The following DOK3 variants were observed in gnomAD, a reference collection of about 807,000 sequenced individuals.
The protein encoded by DOK3 is docking protein 3.
Under a neutral mutation model 26.2 loss-of-function variants are expected in DOK3, and 23 were observed. The observed-to-expected ratio is 0.88, with a 90% CI of 0.63 to 1.24. DOK3 has a LOEUF of 1.24. DOK3 is among the 50% of genes most tolerant of loss of function. DOK3 has a pLI of 0.00. For missense variants in DOK3, 619 were observed against 610.6 expected (o/e 1.01, Z -0.15); for synonymous variants, 268 against 268.2 (o/e 1.00, Z 0.01).
Position 177,503,197 on chromosome 5 carries a change from T to C in DOK3, c.*786A>G. 6.4e-7 allele frequency: 1 copy of C among 1,551,598 alleles called. No individual in the cohort carries two copies. The highest frequency in any genetic ancestry group is 8.7e-7 in the Non-Finnish European group (1 of 1,146,946). ...AGGAGGGAACGCAGCATGGAAGTCTTCAGGAAACTTCTCTCCCCCTGGAAT... is the reference window on the plus strand; with the variant it reads ...AGGAGGGAACGCAGCATGGAAGTCTCCAGGAAACTTCTCTCCCCCTGGAAT... On this transcript the variant is annotated 3_prime_UTR_variant, in exon 6 of 6. Coordinates refer to ENST00000510898, the MANE Select transcript of DOK3 (RefSeq NM_001308236.3).
Position 177,504,485 on chromosome 5 carries a change from G to T in DOK3, c.821C>A (p.Ser274Tyr). The change falls in exon 6 of 6, where the codon TCT becomes TAT. Residue 274 changes from serine (S) to tyrosine (Y), a missense_variant. Coordinates refer to ENST00000510898, the MANE Select transcript of DOK3 (RefSeq NM_001308236.3). ...PQPCPLPRAT[S>Y]LPSLDTPGEL... The stretch of plus-strand genomic sequence containing the variant: ...TCCGGGGGTGTCCAGGGAGGGCAGA[G>T]AGGTGGCCCGTGGCAGGGGGCAGGG... 1 of 1,586,690 alleles carries T rather than the reference G, an allele frequency of 6.3e-7. No homozygotes were observed.
chr5:177,504,777 G>A lies in DOK3; in HGVS notation c.611C>T (p.Pro204Leu). ...AKGTQALYSW[P>L]YHFLRKFGSD... ...GCCGAACTTGCGCAGGAAGTGGTAGGGCCAGCTGTAGAGGGCCTGGGTGCC... is the reference window on the plus strand; with the variant it reads ...GCCGAACTTGCGCAGGAAGTGGTAGAGCCAGCTGTAGAGGGCCTGGGTGCC... The change falls in exon 5 of 6, where the codon CCC becomes CTC. Residue 204 changes from proline to leucine, a missense_variant. Pro to Leu is a moderately conservative substitution (Grantham distance 98). Coordinates refer to ENST00000510898, the MANE Select transcript of DOK3 (RefSeq NM_001308236.3). The A allele has an allele frequency of 6.2e-7, 1 of 1,614,026 alleles. No homozygotes were observed. The highest frequency in any genetic ancestry group is 8.5e-7 in the Non-Finnish European group (1 of 1,179,936).
In DOK3 at chr5:177,508,226, G is replaced by A. The variant is rs1238253447; in HGVS notation, c.372+11C>T. 11 of 1,471,966 alleles carry A rather than the reference G, an allele frequency of 7.5e-6. No homozygotes were observed. The highest frequency in any genetic ancestry group is 2.3e-4 in the Middle Eastern group (1 of 4,290). 91.2% of individuals were successfully genotyped at this position (1,471,966 alleles called of 1,614,324 possible). On this transcript the variant is annotated intron_variant, in intron 3 of 5. Coordinates refer to ENST00000510898, the MANE Select transcript of DOK3 (RefSeq NM_001308236.3). ...CCCCAGCCCAATCGCCCCCCTGCTC[G>A]CCGCACTCACCGGGAAGGCCAGCTG...
At chr5:177,509,843 C>A, upstream of DOK3, 1 of 1,611,088 alleles carries the variant, frequency 6.2e-7, no homozygotes, top group Non-Finnish European at 8.5e-7. Context: ...AGTCTGGCTC[C>A]CCGAGTCATG....
At chr5:177,505,170 C>CCT (rs1304008443) in intron 3 of DOK3, 60 bp from the exon 4 acceptor site, 1 of 1,442,586 alleles carries the variant, frequency 6.9e-7, no homozygotes, top group Admixed American at 2.3e-5. Flanking sequence ...TGTCCCCTCC[C>CCT]CTCAGTATCC....
Position 177,504,464 on chromosome 5 carries a change from G to T in DOK3, c.842C>A (p.Pro281His). 6.3e-7 allele frequency: 1 copy of T among 1,582,200 alleles called. No homozygotes were observed. The highest frequency in any genetic ancestry group is 8.6e-7 in the Non-Finnish European group (1 of 1,165,678). ...TGGTGGCATCTCCCGAAGCTCTCCG[G>T]GGGTGTCCAGGGAGGGCAGAGAGGT... ...RATSLPSLDT[P>H]GELREMPPGP... The change falls in exon 6 of 6, where the codon CCC (proline) becomes CAC (histidine). Residue 281 changes from proline (P) to histidine (H), a missense_variant. By Grantham distance (77) the Pro-to-His change is moderately conservative. Coordinates refer to ENST00000510898, the MANE Select transcript of DOK3 (RefSeq NM_001308236.3).
At position 177,509,519 on chromosome 5, in the gene DOK3, TA is replaced by T; in HGVS notation, c.21del (p.Ile8SerfsTer169). 1 of 1,610,742 alleles carries T rather than the reference TA, an allele frequency of 6.2e-7. No homozygotes were observed. The highest frequency in any genetic ancestry group is 8.5e-7 in the Non-Finnish European group (1 of 1,178,452). On this transcript the variant is annotated frameshift_variant, in exon 2 of 6. Transcript: ENST00000510898. LOFTEE classifies it high-confidence loss of function. MDPLETPIKDGILYQQH... is the reference protein window; with the variant it reads MDPLETXIKDGILYQQH... ...TGCTGGTAGAGGATGCCATCCTTGA[TA>T]GGGGTCTCCAGAGGGTCCATGGTCA... is the stretch of plus-strand genomic sequence containing the variant.
At position 177,509,821 on chromosome 5, in the gene DOK3, G is replaced by GCGTCTGAT; in HGVS notation, c.-182_-181insATCAGACG. On this transcript the variant is annotated 5_prime_UTR_variant, in exon 1 of 6. Transcript: ENST00000510898. Reference sequence around the variant, plus strand: ...ACGCACCTGGTTCAGCTGGGCACGCGCGTCTGATCGCAGTCTGGCTCCCCG... The same window carrying GCGTCTGAT: ...ACGCACCTGGTTCAGCTGGGCACGCGCGTCTGATCGTCTGATCGCAGTCTGGCTCCCCG... 2.5e-6 allele frequency: 4 copies of GCGTCTGAT among 1,611,414 alleles called. No homozygotes were observed. Among genetic ancestry groups the GCGTCTGAT allele is most frequent in the Non-Finnish European group, 3.4e-6 (4 of 1,179,966 alleles).
At position 177,504,774 on chromosome 5, in the gene DOK3, T is replaced by C. The variant is rs755620201; in HGVS notation, c.614A>G (p.Tyr205Cys). The C allele has an allele frequency of 6.2e-7, 1 of 1,613,868 alleles. No individual in the cohort carries two copies. Among genetic ancestry groups the C allele is most frequent in the Non-Finnish European group, 8.5e-7 (1 of 1,179,930 alleles). The change falls in exon 5 of 6, where the codon TAC becomes TGC. Residue 205 changes from tyrosine (Y) to cysteine (C), a missense_variant. Tyr to Cys is a radical substitution (Grantham distance 194, BLOSUM62 -2). Coordinates refer to ENST00000510898, the MANE Select transcript of DOK3 (RefSeq NM_001308236.3). Reference protein sequence around the residue: ...KGTQALYSWPYHFLRKFGSDK... With the variant: ...KGTQALYSWPCHFLRKFGSDK... ...GGAGCCGAACTTGCGCAGGAAGTGGTAGGGCCAGCTGTAGAGGGCCTGGGT... is the reference window on the plus strand; with the variant it reads ...GGAGCCGAACTTGCGCAGGAAGTGGCAGGGCCAGCTGTAGAGGGCCTGGGT...
At chr5:177,509,294 C>T (rs1760664143) in intron 2 of DOK3, 181 bp downstream of exon 2, 8 of 710,614 alleles carry the variant, frequency 1.1e-5, no homozygotes, top group Non-Finnish European at 1.8e-5. Flanking sequence ...CTGCTCAGCC[C>T]CTGCCGTCTC....
chr5:177,509,424 C>T, intron 2 of DOK3, 51 bp downstream of exon 2: 1 of 1,568,372 alleles, frequency 6.4e-7, no homozygotes. Context: ...AGGCTGCATT[C>T]TCCACCCACT....
rs1396045433 is a variant in DOK3, at chr5:177,505,208, A to C, written c.373-98T>G. ...GAACTCCACAAGCCAGGGGGCATCCAGGGGCCTGGGCTCCAGTTCCAGCTT... is the reference window on the plus strand; with the variant it reads ...GAACTCCACAAGCCAGGGGGCATCCCGGGGCCTGGGCTCCAGTTCCAGCTT... On this transcript the variant is annotated intron_variant, in intron 3 of 5. Transcript: ENST00000510898. 4.5e-6 allele frequency: 5 copies of C among 1,123,524 alleles called. No individual in the cohort carries two copies. The East Asian group carries it at 1.0e-4, about 23-fold the overall frequency. The allele number at this position is 1,123,524 out of a possible 1,614,324, so 69.6% of individuals were successfully genotyped here.
At position 177,503,417 on chromosome 5, in the gene DOK3, G is replaced by A. The variant is rs371261482; in HGVS notation, c.*566C>T. The A allele has an allele frequency of 2.0e-6, 3 of 1,521,688 alleles. No individual in the cohort carries two copies. The highest frequency in any genetic ancestry group is 1.4e-5 in the African/African-American group (1 of 72,404). The allele number at this position is 1,521,688 out of a possible 1,614,324, so 94.3% of individuals were successfully genotyped here. A position where few individuals can be genotyped will look rare whatever the true frequency, so the allele number is the denominator to read the frequency against. On this transcript the variant is annotated 3_prime_UTR_variant, in exon 6 of 6. Coordinates refer to ENST00000510898, the MANE Select transcript of DOK3 (RefSeq NM_001308236.3). ...TCTGCAAATTGTTGGAGTTTCAGCA[G>A]GGAACAAGTGTTTTGGACGAGGGTG...
chr5:177,505,709 T>G (rs1411243411), intron 3 of DOK3, among the ~76,000 whole-genome samples: 1 of 152,178 alleles, frequency 6.6e-6, no homozygotes, highest in East Asian at 1.9e-4. Flanking sequence ...TGGCGAGATC[T>G]CGGCTGACTG....
rs1311648103 is a variant in DOK3 at position 177,507,911 on chromosome 5, C to G, written c.372+326G>C. Among the ~76,000 whole-genome samples, 5 of 152,302 alleles carry G rather than the reference C, an allele frequency of 3.3e-5. No individual in the cohort carries two copies. The East Asian group carries it at 9.6e-4, about 29-fold the overall frequency. On this transcript the variant is annotated intron_variant, in intron 3 of 5. Transcript: ENST00000510898. ...ACCCCACACTGTCCGGCCTCGGGGC[C>G]TCTGCCCACGGGACTCCCTCTGTTC...
At chr5:177,506,997 T>A (rs147448988) in intron 3 of DOK3, among the ~76,000 whole-genome samples, 9 of 152,184 alleles carry the variant, frequency 5.9e-5, no homozygotes, top group Non-Finnish European at 8.8e-5. Context: ...CCAGTGCTTT[T>A]TAGTATACTC....
chr5:177,508,816 T>A, intron 2 of DOK3: 2 of 397,378 alleles, frequency 5.0e-6, no homozygotes, highest in Non-Finnish European at 9.0e-6. Context: ...TGCTACTGGG[T>A]CATGTTTGTA....
chr5:177,508,705 G>A (rs1760568933), intron 2 of DOK3, 163 bp from the exon 3 acceptor site: 6 of 733,812 alleles, frequency 8.2e-6, no homozygotes, highest in Non-Finnish European at 1.1e-5. Context: ...GCTTGGGATT[G>A]GTCAGCCCTG....
At chr5:177,508,015 T>C (rs867263026) in intron 3 of DOK3, among the ~76,000 whole-genome samples, 1 of 152,208 alleles carries the variant, frequency 6.6e-6, no homozygotes, top group South Asian at 2.1e-4. Context: ...CTGAGAGGCC[T>C]TCCCTGGCCA....
Sources: gnomAD v4.1 joint callset for allele counts (sites outside exome capture counted in the v4.1 genomes callset) on GRCh38, gnomAD v4.1.1 for gene constraint, MANE v1.5 for transcripts, NCBI Gene and HGNC (gene_info 2026-07-23, HGNC 2026-07-21) for gene names.